The following SEMA3E variants were observed in gnomAD, a reference collection of about 807,000 sequenced individuals.
SEMA3E encodes semaphorin 3E.
SEMA3E carries 49 observed loss-of-function variants against 93.6 expected under a neutral mutation model. The observed-to-expected ratio is 0.52, with a 90% CI of 0.42 to 0.66. The LOEUF is 0.66. SEMA3E is among the 30% of genes least tolerant of loss of function. The probability of loss-of-function intolerance (pLI) is 0.00; values close to 1 mark genes in which losing one functional copy is unlikely to be tolerated. For synonymous variants in SEMA3E, 363 were observed against 330.7 expected (o/e 1.10, Z -1.06); for missense variants, 906 against 964.8 (o/e 0.94, Z 0.81).
At chr7:83,532,099 C>A (rs1791314316) in intron 1 of SEMA3E, among the ~76,000 whole-genome samples, 1 of 152,008 alleles carries the variant, frequency 6.6e-6, no homozygotes, top group Non-Finnish European at 1.5e-5. Context: ...TAGTTCAATG[C>A]AAAAATTTAA....
intron 1 of SEMA3E, among the ~76,000 whole-genome samples, chr7:83,548,713 C>G (rs941467489): frequency 3.9e-5 from 6 of 152,116 alleles, no homozygotes; most frequent in African/African-American, 1.4e-4. Flanking sequence ...CTGAGGCTGA[C>G]AGCCTTAGTG....
intron 1 of SEMA3E, among the ~76,000 whole-genome samples, chr7:83,564,794 T>TA (rs1010206109): frequency 6.6e-6 from 1 of 152,066 alleles, no homozygotes; most frequent in African/African-American, 2.4e-5. Flanking sequence ...CATGGTTGGC[T>TA]AAAAAAAGGA....
intron 5 of SEMA3E, among the ~76,000 whole-genome samples, chr7:83,412,057 A>G (rs1462097425): frequency 6.6e-6 from 1 of 152,184 alleles, no homozygotes; most frequent in Non-Finnish European, 1.5e-5. Flanking sequence ...AGTTATCTGC[A>G]GAATCAAAGA....
intron 12 of SEMA3E, 96 bp downstream of exon 12, chr7:83,396,542 G>T (rs1788125501): frequency 2.7e-6 from 2 of 735,886 alleles, no homozygotes; most frequent in African/African-American, 1.8e-5. Context: ...CAACATACCT[G>T]TTAGGGAAAA....
intron 1 of SEMA3E, among the ~76,000 whole-genome samples, chr7:83,572,389 C>T (rs1416619751): frequency 1.3e-5 from 2 of 152,030 alleles, no homozygotes; most frequent in Non-Finnish European, 2.9e-5. Context: ...CACTGTAATC[C>T]CAGCACTTTG....
chr7:83,517,759 T>C (rs1000870396), intron 1 of SEMA3E, among the ~76,000 whole-genome samples: 4 of 152,110 alleles, frequency 2.6e-5, no homozygotes, highest in African/African-American at 9.7e-5. Context: ...GATCAAACTT[T>C]AGGCATTAAT....
intron 1 of SEMA3E, among the ~76,000 whole-genome samples, chr7:83,577,044 T>C (rs528041836): frequency 1.4e-4 from 21 of 152,236 alleles, no homozygotes; most frequent in Non-Finnish European, 2.8e-4. Context: ...TTCTCCCTTA[T>C]GCAATGTAAG....
intron 1 of SEMA3E, among the ~76,000 whole-genome samples, chr7:83,642,864 T>A (rs1794032932): frequency 1.3e-5 from 2 of 152,078 alleles, no homozygotes; most frequent in African/African-American, 4.8e-5. Context: ...GAGACTGAAA[T>A]TATAAGACTT....
Position 83,407,053 on chromosome 7 carries a change from A to G in SEMA3E, c.813+44T>C, listed in dbSNP as rs374122401. The G allele has an allele frequency of 2.5e-6, 4 of 1,610,838 alleles. No homozygotes were observed. The African/African-American group carries it at 5.3e-5, about 22-fold the overall frequency. On this transcript the variant is annotated intron_variant, in intron 7 of 16. Coordinates refer to ENST00000643230, the MANE Select transcript of SEMA3E (RefSeq NM_012431.3). The stretch of plus-strand genomic sequence containing the variant: ...CTATAAACTTAATAAAGGCCTGACC[A>G]TAAATTGTGAGATAAGCAAGCATAA...
chr7:83,518,353 G>A (rs1323563494), intron 1 of SEMA3E, among the ~76,000 whole-genome samples: 2 of 151,774 alleles, frequency 1.3e-5, no homozygotes, highest in African/African-American at 4.8e-5. Flanking sequence ...GTACTTACAA[G>A]TCATAGGTGA....
intron 1 of SEMA3E, among the ~76,000 whole-genome samples, chr7:83,611,181 C>T (rs944261586): frequency 6.7e-6 from 1 of 149,696 alleles, no homozygotes; most frequent in African/African-American, 2.5e-5. Flanking sequence ...CGTCTCTTAC[C>T]TACTCAAGGA....
chr7:83,640,265 C>T (rs2115707888), intron 1 of SEMA3E, among the ~76,000 whole-genome samples: 1 of 152,248 alleles, frequency 6.6e-6, no homozygotes, highest in East Asian at 1.9e-4. Flanking sequence ...TAAATAAAAC[C>T]CCCTTTTTAT....
At chr7:83,541,811 A>G (rs1791538670) in intron 1 of SEMA3E, among the ~76,000 whole-genome samples, 1 of 152,122 alleles carries the variant, frequency 6.6e-6, no homozygotes, top group Non-Finnish European at 1.5e-5. Flanking sequence ...TGAAACACAC[A>G]GAATGATAAA....
At position 83,545,374 on chromosome 7, in the gene SEMA3E, G is replaced by A. The variant is rs541729410; in HGVS notation, c.116-55100C>T. Among the ~76,000 whole-genome samples the A allele has an allele frequency of 5.9e-5, 9 of 152,042 alleles. No individual in the cohort carries two copies. In the South Asian group the frequency reaches 1.7e-3, roughly 28 times the overall value. On this transcript the variant is annotated intron_variant, in intron 1 of 16. Transcript: ENST00000643230. ...TTTGAGTCAGTCCTTCCAGGCCACAGTGATTTTTATCATGCACTTCATAAT... is the reference window on the plus strand; with the variant it reads ...TTTGAGTCAGTCCTTCCAGGCCACAATGATTTTTATCATGCACTTCATAAT...
At chr7:83,493,469 C>T (rs958811889) in intron 1 of SEMA3E, among the ~76,000 whole-genome samples, 1 of 151,866 alleles carries the variant, frequency 6.6e-6, no homozygotes, top group Non-Finnish European at 1.5e-5. Flanking sequence ...AATATCATTA[C>T]ATACCATAGG....
intron 1 of SEMA3E, among the ~76,000 whole-genome samples, chr7:83,549,750 C>T (rs1584324749): frequency 6.6e-6 from 1 of 152,008 alleles, no homozygotes; most frequent in African/African-American, 2.4e-5. Flanking sequence ...ACTAAAAGTT[C>T]TAGGCTTCCT....
chr7:83,455,107 T>C (rs1789454689), intron 4 of SEMA3E, among the ~76,000 whole-genome samples: 1 of 152,168 alleles, frequency 6.6e-6, no homozygotes, highest in South Asian at 2.1e-4. Flanking sequence ...AATCACAGAG[T>C]ACATTGTTGA....
rs373418454 is a variant in SEMA3E at position 83,482,673 on chromosome 7, T to G, written c.276+7441A>C. The stretch of plus-strand genomic sequence containing the variant: ...CAACAGACACACTTTCACTCTTTCA[T>G]TACATCTTCAAAGATGAACATAACA... On this transcript the variant is annotated intron_variant, in intron 2 of 16. Transcript: ENST00000643230. Among the ~76,000 whole-genome samples, 11 of 151,828 alleles carry G rather than the reference T, an allele frequency of 7.2e-5. 1 individual carries two copies. Among genetic ancestry groups the G allele is most frequent in the African/African-American group, 7.2e-5 (3 of 41,392 alleles).
In SEMA3E at chr7:83,450,311, G is replaced by A. The variant is rs746223912; in HGVS notation, c.456+16171C>T. The stretch of plus-strand genomic sequence containing the variant: ...CACCCATAAGTTCACCAAAAGATAT[G>A]GACAAGAATGCTCATAGCAGCACAA... On this transcript the variant is annotated intron_variant, in intron 4 of 16. Transcript: ENST00000643230. Among the ~76,000 whole-genome samples, 21 of 152,118 alleles carry A rather than the reference G, an allele frequency of 1.4e-4. No individual in the cohort carries two copies. The South Asian group carries it at 1.7e-3, about 12-fold the overall frequency.
Sources: allele counts gnomAD v4.1 joint callset (sites outside exome capture counted in the v4.1 genomes callset), GRCh38; gene constraint gnomAD v4.1.1; transcripts MANE v1.5; gene names NCBI Gene and HGNC (gene_info 2026-07-23, HGNC 2026-07-21).